The following SRBD1 variants were observed in gnomAD, a reference collection of about 807,000 sequenced individuals.
SRBD1 encodes S1 RNA-binding domain-containing protein 1.
In SRBD1, 88 loss-of-function variants were observed where a neutral mutation model predicts 115.3. The observed-to-expected ratio is 0.76, with a 90% CI of 0.64 to 0.91. The LOEUF is 0.91. SRBD1 is among the 40% of genes least tolerant of loss of function. The pLI is 0.00. For synonymous variants in SRBD1, 509 were observed against 407.7 expected, an observed-to-expected ratio of 1.25 and a Z score of -2.99; for missense variants, 1,385 against 1,177.4, an observed-to-expected ratio of 1.18 and a Z score of -2.58.
At chr2:45,518,621 C>G (rs983416582) in intron 14 of SRBD1, among the ~76,000 whole-genome samples, 1 of 152,172 alleles carries the variant, frequency 6.6e-6, no homozygotes, top group Admixed American at 6.5e-5. Context: ...TACATTTATA[C>G]AACATGTTTG....
intron 19 of SRBD1, among the ~76,000 whole-genome samples, chr2:45,404,204 T>C (rs1572598436): frequency 6.6e-6 from 1 of 152,076 alleles, no homozygotes; most frequent in African/African-American, 2.4e-5. Context: ...ACTGAAATAA[T>C]ATGAGATGAA....
chr2:45,601,015 G>C (rs772896673), intron 3 of SRBD1, among the ~76,000 whole-genome samples: 4 of 152,152 alleles, frequency 2.6e-5, no homozygotes, highest in Non-Finnish European at 5.9e-5. Flanking sequence ...GAATGGATCA[G>C]AGCAGAGACA....
At chr2:45,416,081 C>T (rs1048685776) in intron 18 of SRBD1, among the ~76,000 whole-genome samples, 6 of 151,400 alleles carry the variant, frequency 4.0e-5, no homozygotes, top group Admixed American at 2.6e-4. Context: ...TAATAAATAG[C>T]GTAAAAGGAA....
At chr2:45,568,277 T>C (rs1572787537) in intron 9 of SRBD1, among the ~76,000 whole-genome samples, 1 of 152,210 alleles carries the variant, frequency 6.6e-6, no homozygotes, top group African/African-American at 2.4e-5. Context: ...TTAACGGCTA[T>C]TCCCACAGTA....
intron 19 of SRBD1, among the ~76,000 whole-genome samples, chr2:45,394,796 G>A (rs1361573679): frequency 2.6e-5 from 4 of 152,136 alleles, no homozygotes; most frequent in Admixed American, 6.5e-5. Flanking sequence ...TATGGTATCC[G>A]ACTAATTCTC....
In SRBD1 at chr2:45,548,474, A is replaced by C. The variant is rs1262969199; in HGVS notation, c.1676-862T>G. Among the ~76,000 whole-genome samples the C allele has an allele frequency of 2.0e-5, 3 of 152,232 alleles. No individual in the cohort carries two copies. The East Asian group carries it at 5.8e-4, about 29-fold the overall frequency. ...TTATATTAAATTATGAAAACAGATA[A>C]TTAGAAATATCTTACCAAAACAGCT... On this transcript the variant is annotated intron_variant, in intron 12 of 20. Transcript: ENST00000263736.
At chr2:45,450,604 G>A (rs1409817153) in intron 16 of SRBD1, among the ~76,000 whole-genome samples, 2 of 152,074 alleles carry the variant, frequency 1.3e-5, no homozygotes, top group Non-Finnish European at 2.9e-5. Context: ...ATGTTCAAGG[G>A]AGGGAACAAG....
chr2:45,477,338 CAAAT>C (rs1669833541), intron 15 of SRBD1, among the ~76,000 whole-genome samples: 1 of 152,188 alleles, frequency 6.6e-6, no homozygotes, highest in South Asian at 2.1e-4. Context: ...TTTGGAAAAA[CAAAT>C]AAAACGTTTA....
At chr2:45,584,026 G>C (rs1469432881) in intron 5 of SRBD1, among the ~76,000 whole-genome samples, 4 of 152,130 alleles carry the variant, frequency 2.6e-5, no homozygotes, top group Non-Finnish European at 5.9e-5. Context: ...TTTCTTGCTT[G>C]TGAGGCTTTC....
rs1351811846 is a variant in SRBD1 at position 45,574,655 on chromosome 2, T to G, written c.1141A>C (p.Lys381Gln). ...HILADMIAKD[K>Q]DTLDFIRNLC... ...TTCCGAATGAAGTCAAGCGTGTCTT[T>G]GTCTTTAGCAATCATATCTGCTAAA... The change falls in exon 8 of 21, where the codon AAA becomes CAA. Residue 381 changes from lysine (K) to glutamine (Q), a missense_variant. Lys to Gln is a moderately conservative substitution (Grantham distance 53). Coordinates refer to ENST00000263736, the MANE Select transcript of SRBD1 (RefSeq NM_018079.5). 2 of 1,613,856 alleles carry G rather than the reference T, an allele frequency of 1.2e-6. No individual in the cohort carries two copies. Among genetic ancestry groups the G allele is most frequent in the Admixed American group, 1.7e-5 (1 of 59,966 alleles).
At chr2:45,599,921 A>C in intron 3 of SRBD1, 86 bp from the exon 4 acceptor site, 1 of 1,379,472 alleles carries the variant, frequency 7.2e-7, no homozygotes, top group Non-Finnish European at 9.7e-7. Flanking sequence ...AAGTGAACAA[A>C]TTATTGATAC....
chr2:45,417,614 C>A (rs567689200), intron 18 of SRBD1, among the ~76,000 whole-genome samples: 2 of 152,144 alleles, frequency 1.3e-5, no homozygotes, highest in African/African-American at 4.8e-5. Context: ...GTAGCAGATA[C>A]GTAAATGTTC....
intron 14 of SRBD1, among the ~76,000 whole-genome samples, chr2:45,514,271 C>A (rs1029514609): frequency 3.3e-5 from 5 of 152,072 alleles, no homozygotes; most frequent in Non-Finnish European, 7.4e-5. Flanking sequence ...ATTTCCAGTT[C>A]ATGAAATCAC....
intron 16 of SRBD1, among the ~76,000 whole-genome samples, chr2:45,472,625 T>G (rs1160086469): frequency 2.6e-5 from 4 of 152,172 alleles, no homozygotes; most frequent in Non-Finnish European, 5.9e-5. Flanking sequence ...TGAGGCCAGG[T>G]GCGTGTCACC....
At chr2:45,429,222 G>A (rs1406064800) in intron 16 of SRBD1, among the ~76,000 whole-genome samples, 3 of 152,092 alleles carry the variant, frequency 2.0e-5, no homozygotes, top group Non-Finnish European at 4.4e-5. Context: ...GAGGTACAAA[G>A]AGGAGGCAGT....
intron 10 of SRBD1, among the ~76,000 whole-genome samples, chr2:45,556,476 G>A (rs1416527582): frequency 3.0e-4 from 2 of 6,620 alleles, no homozygotes; most frequent in African/African-American, 9.5e-4. Flanking sequence ...TTTTTTTTTT[G>A]AGACAGAGTC....
intron 20 of SRBD1, among the ~76,000 whole-genome samples, chr2:45,390,295 T>C (rs369548721): frequency 2.0e-5 from 3 of 152,220 alleles, no homozygotes; most frequent in Non-Finnish European, 2.9e-5. Context: ...GGCACTCTGC[T>C]GGGTGCTAGA....
At chr2:45,419,948 A>C in intron 16 of SRBD1, 54 bp from the exon 17 acceptor site, 2 of 1,482,834 alleles carry the variant, frequency 1.3e-6, no homozygotes, top group Non-Finnish European at 1.9e-6. Context: ...TTCTTGGACT[A>C]TTCCATTACT....
At chr2:45,526,703 A>G (rs1054101578) in intron 14 of SRBD1, among the ~76,000 whole-genome samples, 2 of 151,996 alleles carry the variant, frequency 1.3e-5, no homozygotes, top group African/African-American at 4.8e-5. Flanking sequence ...CAATCAACTC[A>G]AAAATAGAAA....
Sources: gnomAD v4.1 joint callset for allele counts (sites outside exome capture counted in the v4.1 genomes callset) on GRCh38, gnomAD v4.1.1 for gene constraint, MANE v1.5 for transcripts, NCBI Gene and HGNC (gene_info 2026-07-23, HGNC 2026-07-21) for gene names.